MTMR3: variants seen among roughly 807,000 people sequenced by gnomAD.
MTMR3 encodes myotubularin related protein 3, also known as phosphatidylinositol-3,5-bisphosphate 3-phosphatase MTMR3.
In MTMR3, 32 loss-of-function variants were observed where a neutral mutation model predicts 132.4. That is an observed-to-expected ratio of 0.24 (90% confidence interval 0.18 to 0.32). The LOEUF (loss-of-function observed/expected upper bound fraction) is 0.32. MTMR3 is among the 10% of genes least tolerant of loss of function. The probability of loss-of-function intolerance (pLI) is 1.00; values close to 1 mark genes in which losing one functional copy is unlikely to be tolerated. For missense variants in MTMR3, 1,216 were observed against 1,489.6 expected, an observed-to-expected ratio of 0.82 and a Z score of 3.02; for synonymous variants, 556 against 550.3, an observed-to-expected ratio of 1.01 and a Z score of -0.14.
chr22:29,966,726 CGTGTGTGTGTGTGTGTGTGTGT>C lies in MTMR3; in HGVS notation c.-84-4225_-84-4204del, dbSNP rs55960706. 4.7e-3 allele frequency among the ~76,000 whole-genome samples: 679 copies of C among 142,970 alleles called. 7 individuals are homozygous for C. Among genetic ancestry groups the C allele is most frequent in the African/African-American group, 0.016 (632 of 39,120 alleles). The allele number at this position is 142,970 out of a possible 152,430, so 93.8% of individuals were successfully genotyped here. ...TCCACTGGTGACCTGTAGGGGTGTG[CGTGTGTGTGTGTGTGTGTGTGT>C]GTGTGTGTGTGTGTGTGTGTGTGTC... On this transcript the variant is annotated intron_variant, in intron 2 of 19. Transcript: ENST00000401950.
At chr22:29,913,869 A>G (rs1040664436) in intron 1 of MTMR3, among the ~76,000 whole-genome samples, 1 of 152,122 alleles carries the variant, frequency 6.6e-6, no homozygotes, top group African/African-American at 2.4e-5. Context: ...CTCCTGCCTC[A>G]GCCTGCTGAG....
intron 2 of MTMR3, among the ~76,000 whole-genome samples, chr22:29,964,988 G>A (rs2066386758): frequency 6.6e-6 from 1 of 152,030 alleles, no homozygotes; most frequent in African/African-American, 2.4e-5. Context: ...GGTCTTTCCT[G>A]TCTGAGGAAC....
At chr22:29,934,503 G>A (rs999464299) in intron 1 of MTMR3, among the ~76,000 whole-genome samples, 4 of 152,136 alleles carry the variant, frequency 2.6e-5, no homozygotes, top group Admixed American at 2.0e-4. Context: ...GTAATTTCTG[G>A]AGTTTTCTCT....
chr22:29,968,542 A>T (rs993768310), intron 2 of MTMR3, among the ~76,000 whole-genome samples: 1 of 152,088 alleles, frequency 6.6e-6, no homozygotes, highest in African/African-American at 2.4e-5. Context: ...TTTAATTCCA[A>T]TAAGTGCCTT....
chr22:29,991,440 CT>C, intron 6 of MTMR3, 63 bp from the exon 7 acceptor site: 1 of 1,486,092 alleles, frequency 6.7e-7, no homozygotes, highest in South Asian at 1.4e-5. Context: ...GAAATAATGG[CT>C]TTTCTTACAT....
At position 29,901,770 on chromosome 22, in the gene MTMR3, G is replaced by A. The variant is rs538251671; in HGVS notation, c.-138+18411G>A. On this transcript the variant is annotated intron_variant, in intron 1 of 19. Coordinates refer to ENST00000401950, the MANE Select transcript of MTMR3 (RefSeq NM_021090.4). ...TCTTGTTATATTGCCTATGCTGGCC[G>A]CAAGCTCCTGGTCTCAAGGGATCCT... 3.9e-5 allele frequency among the ~76,000 whole-genome samples: 6 copies of A among 152,222 alleles called. No homozygotes were observed. In the East Asian group the frequency reaches 5.8e-4, roughly 15 times the overall value.
At chr22:29,887,399 G>A (rs540799419) in intron 1 of MTMR3, among the ~76,000 whole-genome samples, 1 of 152,192 alleles carries the variant, frequency 6.6e-6, no homozygotes, top group Non-Finnish European at 1.5e-5. Context: ...TAAGGGGCTG[G>A]TATTAGAATC....
chr22:29,917,469 A>G (rs1468385447), intron 1 of MTMR3, among the ~76,000 whole-genome samples: 1 of 152,244 alleles, frequency 6.6e-6, no homozygotes, highest in African/African-American at 2.4e-5. Context: ...CAACACAGGG[A>G]GAACGCGTCT....
At chr22:29,919,231 T>A (rs544119551) in intron 1 of MTMR3, among the ~76,000 whole-genome samples, 5 of 152,332 alleles carry the variant, frequency 3.3e-5, no homozygotes, top group Admixed American at 1.3e-4. Flanking sequence ...AAAAGTTTTC[T>A]CTAGGTCTCA....
At chr22:29,900,017 G>A (rs1473032777) in intron 1 of MTMR3, among the ~76,000 whole-genome samples, 1 of 152,114 alleles carries the variant, frequency 6.6e-6, no homozygotes, top group Non-Finnish European at 1.5e-5. Context: ...CTTCATATGT[G>A]AATACACTTA....
chr22:29,887,745 C>T (rs1264588034), intron 1 of MTMR3, among the ~76,000 whole-genome samples: 3 of 152,136 alleles, frequency 2.0e-5, no homozygotes, highest in Non-Finnish European at 4.4e-5. Context: ...TCAGCACATT[C>T]TGTGTAAAGT....
intron 1 of MTMR3, among the ~76,000 whole-genome samples, chr22:29,916,347 A>G (rs890785529): frequency 6.6e-6 from 1 of 152,164 alleles, no homozygotes; most frequent in Non-Finnish European, 1.5e-5. Flanking sequence ...CACCTAATAC[A>G]TGTGCAGCTA....
In MTMR3 at chr22:29,930,116, ATAT is replaced by A. The variant is rs1191149022; in HGVS notation, c.-137-26918_-137-26916del. Among the ~76,000 whole-genome samples, 8 of 152,326 alleles carry A rather than the reference ATAT, an allele frequency of 5.3e-5. No homozygotes were observed. The South Asian group carries it at 1.7e-3, about 32-fold the overall frequency. On this transcript the variant is annotated intron_variant, in intron 1 of 19. Transcript: ENST00000401950. ...AAAGCCTTAGGAGTGTGTTTGTATA[ATAT>A]TTTTGCTTTTGAAAGTCAATTAAGG...
chr22:29,929,078 A>G (rs887750999), intron 1 of MTMR3, among the ~76,000 whole-genome samples: 2 of 152,030 alleles, frequency 1.3e-5, no homozygotes, highest in Non-Finnish European at 2.9e-5. Flanking sequence ...TCAGGAGTTC[A>G]AGACCAGTCT....
At chr22:30,003,792 C>G (rs1056293873) in intron 9 of MTMR3, 3 of 152,166 alleles carry the variant, frequency 2.0e-5, no homozygotes, top group Non-Finnish European at 4.4e-5. Flanking sequence ...TATCTTAGTT[C>G]TCACAGAATC....
At chr22:29,902,299 C>T (rs1269472752) in intron 1 of MTMR3, among the ~76,000 whole-genome samples, 1 of 151,822 alleles carries the variant, frequency 6.6e-6, no homozygotes, top group African/African-American at 2.4e-5. Context: ...TATAAAACTC[C>T]TTAGTGCATA....
At position 29,991,529 on chromosome 22, in the gene MTMR3, T is replaced by C. The variant is rs778869470; in HGVS notation, c.319T>C (p.Cys107Arg). Residue 107 changes from cysteine to arginine, a missense_variant, in exon 7 of 20, where the codon TGT becomes CGT. Cys to Arg is a radical substitution (Grantham distance 180). Around this residue, in one of 7 missense-constraint regions of MTMR3, gnomAD observed 129 missense variants for 245.7 expected, o/e 0.53. Transcript: ENST00000401950. ...IRCQFSTFEQCQEWLKRLNNA... is the reference protein window; with the variant it reads ...IRCQFSTFEQRQEWLKRLNNA... Reference sequence around the variant, plus strand: ...GTGTCAGTTTTCAACCTTTGAGCAGTGTCAAGAGTGGCTGAAGAGACTGAA... The same window carrying C: ...GTGTCAGTTTTCAACCTTTGAGCAGCGTCAAGAGTGGCTGAAGAGACTGAA... The C allele has an allele frequency of 1.9e-6, 3 of 1,613,704 alleles. No individual in the cohort carries two copies. Among genetic ancestry groups the C allele is most frequent in the Non-Finnish European group, 2.5e-6 (3 of 1,179,836 alleles).
At chr22:30,007,863 A>C in intron 10 of MTMR3, 38 bp from the exon 11 acceptor site, 1 of 1,609,838 alleles carries the variant, frequency 6.2e-7, no homozygotes, top group Non-Finnish European at 8.5e-7. Flanking sequence ...TGGGAGAGAC[A>C]GGCTCATTTA....
chr22:29,920,011 C>T (rs992370498), intron 1 of MTMR3, among the ~76,000 whole-genome samples: 1 of 151,900 alleles, frequency 6.6e-6, no homozygotes, highest in African/African-American at 2.4e-5. Flanking sequence ...GTCAAGAGAT[C>T]GAGACCATCC....
Sources: allele counts gnomAD v4.1 joint callset (sites outside exome capture counted in the v4.1 genomes callset), GRCh38; gene constraint gnomAD v4.1.1; regional missense constraint gnomAD v4.1.1; transcripts MANE v1.5; gene names NCBI Gene and HGNC (gene_info 2026-07-23, HGNC 2026-07-21).